The following NRF1 variants were observed in gnomAD, a reference collection of about 807,000 sequenced individuals.
The protein encoded by NRF1 is alpha palindromic-binding protein.
In NRF1, 5 loss-of-function variants were observed where a neutral mutation model predicts 58.5. The observed-to-expected ratio is 0.09, with a 90% confidence interval of 0.04 to 0.18. NRF1 has a LOEUF of 0.18. Ranked by LOEUF, NRF1 falls within the 10% of genes least tolerant of loss-of-function variation. The probability of loss-of-function intolerance (pLI) is 1.00; values close to 1 mark genes in which losing one functional copy is unlikely to be tolerated. For missense variants in NRF1, 288 were observed against 657.7 expected (o/e 0.44, Z 6.15); for synonymous variants, 224 against 246.7 (o/e 0.91, Z 0.86).
At chr7:129,648,117 T>C (rs974646414) in intron 1 of NRF1, among the ~76,000 whole-genome samples, 1 of 152,176 alleles carries the variant, frequency 6.6e-6, no homozygotes, top group Non-Finnish European at 1.5e-5. Context: ...TTGCCACTCT[T>C]TCCCCATCCC....
chr7:129,710,165 C>A (rs953827677), intron 6 of NRF1, among the ~76,000 whole-genome samples: 7 of 152,150 alleles, frequency 4.6e-5, no homozygotes, highest in African/African-American at 1.7e-4. Flanking sequence ...AGACTTTGAT[C>A]AAGAAGAAAC....
At chr7:129,677,007 A>ATTTTTTTTTTTTTTTTTT (rs56059756) in intron 3 of NRF1, among the ~76,000 whole-genome samples, 1 of 113,546 alleles carries the variant, frequency 8.8e-6, no homozygotes, top group Non-Finnish European at 1.7e-5. Flanking sequence ...TCTTGGTTGC[A>ATTTTTTTTTTTTTTTTTT]TTTTTTTTTT....
chr7:129,683,476 C>T (rs944435354), intron 4 of NRF1, among the ~76,000 whole-genome samples: 2 of 151,230 alleles, frequency 1.3e-5, no homozygotes, highest in African/African-American at 2.4e-5. Flanking sequence ...ATTACAGGTG[C>T]GTGCCACCAT....
intron 9 of NRF1, among the ~76,000 whole-genome samples, chr7:129,721,557 C>T (rs1161865913): frequency 6.6e-6 from 1 of 151,148 alleles, no homozygotes; most frequent in Non-Finnish European, 1.5e-5. Context: ...TCTCGGCTCA[C>T]TGCAAGCTCC....
chr7:129,652,861 G>A (rs975217395), intron 1 of NRF1, among the ~76,000 whole-genome samples: 23 of 152,218 alleles, frequency 1.5e-4, no homozygotes, highest in Admixed American at 3.3e-4. Context: ...CAAAGTGCTG[G>A]GATTACAGGC....
chr7:129,709,376 T>TTA, intron 6 of NRF1, 143 bp downstream of exon 6: 1 of 570,348 alleles, frequency 1.8e-6, no homozygotes, highest in Admixed American at 4.2e-5. Context: ...ATTCTTTGAT[T>TTA]TATAGCCTTT....
At chr7:129,749,196 T>C (rs1445080017) in intron 10 of NRF1, among the ~76,000 whole-genome samples, 1 of 152,208 alleles carries the variant, frequency 6.6e-6, no homozygotes, top group Non-Finnish European at 1.5e-5. Context: ...GTAGGGTTAT[T>C]ACAAAGGAAG....
At chr7:129,666,681 A>G (rs1314873176) in intron 2 of NRF1, among the ~76,000 whole-genome samples, 5 of 152,042 alleles carry the variant, frequency 3.3e-5, no homozygotes, top group Non-Finnish European at 2.9e-5. Context: ...AGAGGCACAC[A>G]CCACCATACC....
intron 8 of NRF1, among the ~76,000 whole-genome samples, chr7:129,712,008 C>A (rs1411152682): frequency 6.6e-6 from 1 of 152,104 alleles, no homozygotes; most frequent in Non-Finnish European, 1.5e-5. Context: ...CTTAAATATG[C>A]CTTTGAAAAG....
intron 5 of NRF1, among the ~76,000 whole-genome samples, chr7:129,705,940 TGA>T (rs34931265): frequency 6.2e-4 from 89 of 144,496 alleles, no homozygotes; most frequent in Non-Finnish European, 7.0e-4. Context: ...GATCCGAGAG[TGA>T]GAGAGAGAGA....
intron 1 of NRF1, among the ~76,000 whole-genome samples, chr7:129,632,625 A>G (rs1014293336): frequency 2.0e-5 from 3 of 151,982 alleles, no homozygotes; most frequent in South Asian, 2.1e-4. Flanking sequence ...CTGTATATAT[A>G]TATGTATCCA....
chr7:129,625,675 A>ATTTTTTTTTT (rs56694598), intron 1 of NRF1, among the ~76,000 whole-genome samples: 13 of 88,994 alleles, frequency 1.5e-4, no homozygotes, highest in East Asian at 3.5e-4. Flanking sequence ...TAATGTTTTA[A>ATTTTTTTTTT]TTTTTTTTTT....
intron 10 of NRF1, among the ~76,000 whole-genome samples, chr7:129,750,777 G>T (rs1804096861): frequency 1.3e-5 from 2 of 152,192 alleles, no homozygotes; most frequent in African/African-American, 4.8e-5. Flanking sequence ...CTTTATTTGG[G>T]TGAGTCTTGA....
rs67262888 is a variant in NRF1, at chr7:129,628,034, C to CTTT, written c.-7+16235_-7+16237dup. Among the ~76,000 whole-genome samples, 7 of 72,094 alleles carry CTTT rather than the reference C, an allele frequency of 9.7e-5. No individual in the cohort carries two copies. In the South Asian group the frequency reaches 2.2e-3, roughly 23 times the overall value. The allele number at this position is 72,094 out of a possible 152,430, so 47.3% of individuals were successfully genotyped here. A position where few individuals can be genotyped will look rare whatever the true frequency, so the allele number is the denominator to read the frequency against. ...CTTACTGTACTATAAGCCAATGGTT[C>CTTT]TTTTTTTTTTTTTTTTTTTTTTTTT... is the stretch of plus-strand genomic sequence containing the variant. On this transcript the variant is annotated intron_variant, in intron 1 of 10. Transcript: ENST00000393232.
intron 2 of NRF1, among the ~76,000 whole-genome samples, chr7:129,667,741 G>GTATTTATT (rs140688640): frequency 2.8e-5 from 4 of 144,476 alleles, no homozygotes; most frequent in African/African-American, 1.0e-4. Context: ...AATTTTAAAG[G>GTATTTATT]TATTTATTTA....
chr7:129,742,397 A>G (rs1803869526), intron 10 of NRF1, among the ~76,000 whole-genome samples: 1 of 152,084 alleles, frequency 6.6e-6, no homozygotes, highest in Admixed American at 6.5e-5. Context: ...TACAAAGACC[A>G]TGCTATCAGA....
chr7:129,619,468 GTGT>G, intron 1 of NRF1, among the ~76,000 whole-genome samples: 1 of 22,312 alleles, frequency 4.5e-5, no homozygotes, highest in African/African-American at 9.6e-5. Context: ...ACGTGTGTGT[GTGT>G]GTGTGTGTGT....
intron 3 of NRF1, among the ~76,000 whole-genome samples, chr7:129,673,551 A>T (rs1204420372): frequency 6.6e-6 from 1 of 151,248 alleles, no homozygotes; most frequent in Non-Finnish European, 1.5e-5. Context: ...CCTCGTCTCT[A>T]CTAAAAATAC....
At position 129,667,778 on chromosome 7, in the gene NRF1, TATTTATTA is replaced by T. The variant is rs1163829224; in HGVS notation, c.224-3650_224-3643del. On this transcript the variant is annotated intron_variant, in intron 2 of 10. Transcript: ENST00000393232. ...TTATTTATTTATTTATTTATTTATTTATTTATTAGAGATAGGATCTTACTCTGTCACCC... is the reference window on the plus strand; with the variant it reads ...TTATTTATTTATTTATTTATTTATTTGAGATAGGATCTTACTCTGTCACCC... Among the ~76,000 whole-genome samples the T allele has an allele frequency of 2.5e-3, 222 of 89,266 alleles. 1 individual carries two copies. The highest frequency in any genetic ancestry group is 7.4e-3 in the African/African-American group (200 of 26,932). The allele number at this position is 89,266 out of a possible 152,430, so 58.6% of individuals were successfully genotyped here. A position where few individuals can be genotyped will look rare whatever the true frequency, so the allele number is the denominator to read the frequency against.
Sources: allele counts gnomAD v4.1 joint callset (sites outside exome capture counted in the v4.1 genomes callset), GRCh38; gene constraint gnomAD v4.1.1; transcripts MANE v1.5; gene names NCBI Gene and HGNC (gene_info 2026-07-23, HGNC 2026-07-21).